ATP11A: variants seen among roughly 807,000 people sequenced by gnomAD.
ATP11A encodes the protein ATPase phospholipid transporting 11A, also known as phospholipid-transporting ATPase IH.
ATP11A carries 81 observed loss-of-function variants against 154.4 expected under a neutral mutation model. That is an observed-to-expected ratio of 0.52 (90% CI 0.44 to 0.63). The LOEUF (loss-of-function observed/expected upper bound fraction) is 0.63. Ranked by LOEUF, ATP11A falls within the 30% of genes least tolerant of loss-of-function variation. The pLI is 0.00. For synonymous variants in ATP11A, 623 were observed against 585.9 expected, an observed-to-expected ratio of 1.06 and a Z score of -0.91; for missense variants, 1,316 against 1,474.3, an observed-to-expected ratio of 0.89 and a Z score of 1.76.
At chr13:112,728,666 C>T (rs1430102709) in intron 1 of ATP11A, among the ~76,000 whole-genome samples, 2 of 146,338 alleles carry the variant, frequency 1.4e-5, no homozygotes, top group Non-Finnish European at 3.0e-5. Context: ...AGTATCCACG[C>T]GTGGAGGGGC....
chr13:112,704,310 C>T (rs372183515), intron 1 of ATP11A, among the ~76,000 whole-genome samples: 38 of 152,326 alleles, frequency 2.5e-4, no homozygotes, highest in African/African-American at 8.4e-4. Context: ...TGTGACTGCT[C>T]TCAGTCGGTA....
chr13:112,851,277 C>G, intron 18 of ATP11A, 59 bp downstream of exon 18: 8 of 1,559,800 alleles, frequency 5.1e-6, no homozygotes, highest in Non-Finnish European at 7.0e-6. Flanking sequence ...GCCGACGGCC[C>G]AGGGCGTGTG....
chr13:112,692,201 C>T (rs531912586), intron 1 of ATP11A, among the ~76,000 whole-genome samples: 2 of 152,290 alleles, frequency 1.3e-5, no homozygotes, highest in African/African-American at 2.4e-5. Context: ...TTGTTTCCTT[C>T]GAGCGAAATG....
At chr13:112,832,262 G>A (rs2079115397) in intron 13 of ATP11A, among the ~76,000 whole-genome samples, 2 of 152,210 alleles carry the variant, frequency 1.3e-5, no homozygotes, top group African/African-American at 4.8e-5. Context: ...GGGCAGCCTC[G>A]GGGATCAGGT....
intron 8 of ATP11A, among the ~76,000 whole-genome samples, chr13:112,820,822 G>A (rs538221717): frequency 3.2e-4 from 48 of 152,322 alleles, no homozygotes; most frequent in African/African-American, 1.1e-3. Flanking sequence ...TGATGTCTGG[G>A]TAGGTACAGC....
At chr13:112,867,922 T>A (rs934329033) in intron 25 of ATP11A, among the ~76,000 whole-genome samples, 2 of 152,224 alleles carry the variant, frequency 1.3e-5, no homozygotes, top group Admixed American at 1.3e-4. Context: ...GGATTGATTG[T>A]TCTTGGGTGA....
At chr13:112,877,330 G>A (rs2080759495) in intron 28 of ATP11A, among the ~76,000 whole-genome samples, 1 of 152,242 alleles carries the variant, frequency 6.6e-6, no homozygotes, top group Non-Finnish European at 1.5e-5. Flanking sequence ...GGCCCGAGAA[G>A]CAGCTGTCCA....
At chr13:112,702,933 T>C (rs374614741) in intron 1 of ATP11A, among the ~76,000 whole-genome samples, 59 of 152,346 alleles carry the variant, frequency 3.9e-4, no homozygotes, top group African/African-American at 1.3e-3. Context: ...GCTGAGAATG[T>C]GACTATGGAA....
Position 112,873,647 on chromosome 13 carries a change from C to G in ATP11A, c.3132C>G (p.Val1044=), listed in dbSNP as rs1323325477. ...VIWGSLLFYV[V]FSLLWGGVIW... is the part of the protein sequence containing the mutation. ...GGGGGTCGCTGCTGTTCTACGTTGT[C>G]TTTTCGCTTCTCTGGGGAGGAGTGA... is the stretch of plus-strand genomic sequence containing the variant. Residue 1044 remains valine (V), a synonymous_variant, in exon 27 of 30, where the codon GTC becomes GTG. Coordinates refer to ENST00000375645, the MANE Select transcript of ATP11A (RefSeq NM_015205.3). 2.5e-6 allele frequency: 4 copies of G among 1,613,490 alleles called. No individual in the cohort carries two copies. Among genetic ancestry groups the G allele is most frequent in the Admixed American group, 3.3e-5 (2 of 59,962 alleles).
chr13:112,763,515 G>A (rs537858533), intron 1 of ATP11A, among the ~76,000 whole-genome samples: 1 of 152,284 alleles, frequency 6.6e-6, no homozygotes, highest in African/African-American at 2.4e-5. Context: ...CCTCACAGCT[G>A]TCTCTTGTGG....
At chr13:112,800,862 A>G (rs369169793) in intron 2 of ATP11A, among the ~76,000 whole-genome samples, 3 of 152,328 alleles carry the variant, frequency 2.0e-5, no homozygotes, top group Admixed American at 1.3e-4. Context: ...ATCGACTAAT[A>G]TAACCCATAT....
intron 28 of ATP11A, 116 bp from the exon 29 acceptor site, chr13:112,878,099 GCT>G: frequency 1.0e-6 from 1 of 964,134 alleles, no homozygotes; most frequent in Non-Finnish European, 1.6e-6. Flanking sequence ...GACTAACTCA[GCT>G]CTGTCTCTTG....
intron 1 of ATP11A, among the ~76,000 whole-genome samples, chr13:112,711,200 TA>T (rs897816504): frequency 4.0e-5 from 6 of 151,536 alleles, no homozygotes; most frequent in African/African-American, 9.7e-5. Context: ...CAGAGCCATT[TA>T]AAAAAAAATG....
chr13:112,780,469 C>T (rs909638456), intron 1 of ATP11A, among the ~76,000 whole-genome samples: 4 of 152,214 alleles, frequency 2.6e-5, no homozygotes, highest in African/African-American at 9.6e-5. Context: ...TGCTTTCTGT[C>T]CCCACGCGTG....
chr13:112,828,719 C>T (rs2079012745), intron 12 of ATP11A, among the ~76,000 whole-genome samples: 1 of 152,182 alleles, frequency 6.6e-6, no homozygotes, highest in Non-Finnish European at 1.5e-5. Flanking sequence ...TGACCAAAAC[C>T]AGGCTCCAGC....
At chr13:112,790,123 T>C (rs1292602120) in intron 2 of ATP11A, among the ~76,000 whole-genome samples, 1 of 142,464 alleles carries the variant, frequency 7.0e-6, no homozygotes, top group Admixed American at 7.2e-5. Context: ...AGTCCTGATA[T>C]GTAGATCCCT....
In ATP11A at chr13:112,884,938, A is replaced by G. The variant is rs568041516; in HGVS notation, c.*3072A>G. 1 of 152,612 alleles carries G rather than the reference A, an allele frequency of 6.6e-6. No individual in the cohort carries two copies. Among genetic ancestry groups the G allele is most frequent in the South Asian group, 2.0e-4 (1 of 4,932 alleles). The allele number at this position is 152,612 out of a possible 1,614,324, so 9.5% of individuals were successfully genotyped here. On this transcript the variant is annotated 3_prime_UTR_variant, in exon 30 of 30. Transcript: ENST00000375645. Reference sequence around the variant, plus strand: ...TGCGTGTTACCTGGCTTTTGGCTCCACGCTCACTCATAGCCATGTCCACAT... The same window carrying G: ...TGCGTGTTACCTGGCTTTTGGCTCCGCGCTCACTCATAGCCATGTCCACAT...
intron 2 of ATP11A, among the ~76,000 whole-genome samples, chr13:112,798,604 T>C (rs1014290350): frequency 6.6e-6 from 1 of 152,206 alleles, no homozygotes; most frequent in African/African-American, 2.4e-5. Flanking sequence ...GTGCGGGTTA[T>C]GTGAGAGTGG....
chr13:112,715,817 G>T (rs1888396481), intron 1 of ATP11A, among the ~76,000 whole-genome samples: 1 of 152,006 alleles, frequency 6.6e-6, no homozygotes, highest in Non-Finnish European at 1.5e-5. Flanking sequence ...TGGGCTTGGA[G>T]CCCTGTTGCT....
Sources: allele counts gnomAD v4.1 joint callset (sites outside exome capture counted in the v4.1 genomes callset), GRCh38; gene constraint gnomAD v4.1.1; transcripts MANE v1.5; gene names NCBI Gene and HGNC (gene_info 2026-07-23, HGNC 2026-07-21).